Variants in OPCML observed in about 807,000 individuals in gnomAD.
The protein encoded by OPCML is opioid binding protein/cell adhesion molecule like, also known as opioid-binding protein/cell adhesion molecule.
A neutral mutation model predicts 37.8 loss-of-function variants in OPCML; 13 were observed. The observed-to-expected ratio is 0.34, with a 90% confidence interval of 0.22 to 0.55. The LOEUF is 0.55. Among genes scored for constraint, OPCML ranks in the 20% least tolerant of loss-of-function variants. The pLI is 0.91. For synonymous variants in OPCML, 176 were observed against 168.8 expected (o/e 1.04, Z -0.33); for missense variants, 341 against 435.6 (o/e 0.78, Z 1.93).
chr11:133,452,837 T>C (rs1445646134), intron 1 of OPCML, among the ~76,000 whole-genome samples: 1 of 151,632 alleles, frequency 6.6e-6, no homozygotes, highest in African/African-American at 2.4e-5. Context: ...GGAAATTTGC[T>C]TAGCATCCCA....
At chr11:132,585,549 C>T (rs573671382) in intron 3 of OPCML, among the ~76,000 whole-genome samples, 14 of 152,196 alleles carry the variant, frequency 9.2e-5, no homozygotes, top group South Asian at 4.1e-4. Context: ...ACAACAGCCC[C>T]GATAATTTTG....
intron 1 of OPCML, chr11:133,006,187 C>T: frequency 1.1e-6 from 1 of 902,254 alleles, no homozygotes; most frequent in Non-Finnish European, 1.3e-6. Flanking sequence ...AAGTTCGCGC[C>T]ATCTGTAGTA....
At chr11:132,945,084 T>C (rs1332672872) in intron 1 of OPCML, among the ~76,000 whole-genome samples, 1 of 152,196 alleles carries the variant, frequency 6.6e-6, no homozygotes, top group Non-Finnish European at 1.5e-5. Flanking sequence ...TATGTGTAGG[T>C]CTAAAATTTT....
intron 1 of OPCML, among the ~76,000 whole-genome samples, chr11:133,069,730 CTGGGTGGTATCACAAACACA>C (rs1948495278): frequency 6.6e-6 from 1 of 152,176 alleles, no homozygotes; most frequent in African/African-American, 2.4e-5. Flanking sequence ...TTCTGCAAGC[CTGGGTGGTATCACAAACACA>C]AAGGCAGAGG....
chr11:132,596,258 G>C (rs2096492250), intron 3 of OPCML, among the ~76,000 whole-genome samples: 1 of 152,140 alleles, frequency 6.6e-6, no homozygotes, highest in African/African-American at 2.4e-5. Flanking sequence ...CCTGGACAAA[G>C]TACCAATTGC....
intron 1 of OPCML, among the ~76,000 whole-genome samples, chr11:133,023,324 C>T (rs553678496): frequency 2.6e-5 from 4 of 152,318 alleles, no homozygotes; most frequent in Admixed American, 6.5e-5. Context: ...ACAACCGCTG[C>T]GTTTTGCCTG....
chr11:133,285,893 C>T (rs1942282322), intron 1 of OPCML, among the ~76,000 whole-genome samples: 1 of 152,136 alleles, frequency 6.6e-6, no homozygotes, highest in African/African-American at 2.4e-5. Flanking sequence ...TATGGTCCTG[C>T]CTGGTAGGAG....
chr11:133,220,706 C>T (rs1939779487), intron 1 of OPCML, among the ~76,000 whole-genome samples: 1 of 152,138 alleles, frequency 6.6e-6, no homozygotes, highest in African/African-American at 2.4e-5. Flanking sequence ...AAATGCTCCC[C>T]CAAAAGTCTC....
rs544874959 is a variant in OPCML at position 133,201,747 on chromosome 11, G to T, written c.62-258737C>A. Among the ~76,000 whole-genome samples the T allele has an allele frequency of 8.5e-5, 13 of 152,294 alleles. No individual in the cohort carries two copies. In the South Asian group the frequency reaches 2.7e-3, roughly 32 times the overall value. On this transcript the variant is annotated intron_variant, in intron 1 of 7. Coordinates refer to ENST00000524381, the MANE Select transcript of OPCML (RefSeq NM_001012393.5). ...ACTTGGAGGACTTTGTTCTCATGCT[G>T]TGTCTCCAGCTCAGAAAATGTCAAC...
chr11:132,594,713 C>G (rs1053574208), intron 3 of OPCML, among the ~76,000 whole-genome samples: 1 of 152,032 alleles, frequency 6.6e-6, no homozygotes, highest in Non-Finnish European at 1.5e-5. Context: ...GGTGAATATC[C>G]GATTATATCA....
chr11:132,517,155 C>A (rs1408373928), intron 4 of OPCML, among the ~76,000 whole-genome samples: 1 of 152,180 alleles, frequency 6.6e-6, no homozygotes, highest in East Asian at 1.9e-4. Context: ...TTAGATACTG[C>A]CCTCTACATG....
intron 2 of OPCML, among the ~76,000 whole-genome samples, chr11:132,700,367 G>T (rs1943759163): frequency 1.3e-5 from 2 of 151,720 alleles, no homozygotes; most frequent in Admixed American, 1.3e-4. Flanking sequence ...GTACCTATAG[G>T]CATAAAGCTA....
chr11:133,100,303 A>T (rs1313838551), intron 1 of OPCML, among the ~76,000 whole-genome samples: 1 of 152,200 alleles, frequency 6.6e-6, no homozygotes, highest in Admixed American at 6.5e-5. Context: ...CTGCACAAGT[A>T]CCCCTTGAAC....
chr11:133,006,502 A>G, intron 1 of OPCML: 2 of 985,414 alleles, frequency 2.0e-6, no homozygotes, highest in Non-Finnish European at 2.4e-6. Flanking sequence ...CTTAATCATC[A>G]TAACTTGTTT....
intron 1 of OPCML, among the ~76,000 whole-genome samples, chr11:133,072,650 C>A (rs765632246): frequency 2.0e-5 from 3 of 152,068 alleles, no homozygotes; most frequent in Admixed American, 2.0e-4. Flanking sequence ...AAGGAGAGTG[C>A]GCTACGTATT....
chr11:132,531,809 G>A (rs7117914), intron 3 of OPCML, among the ~76,000 whole-genome samples: 16,230 of 150,680 alleles, frequency 0.11, 2,054 homozygotes, highest in African/African-American at 0.31. Context: ...TCTGGGCTTA[G>A]AAATGTCAAT....
chr11:133,332,385 A>C (rs1008045060), intron 1 of OPCML, among the ~76,000 whole-genome samples: 1 of 152,148 alleles, frequency 6.6e-6, no homozygotes, highest in Admixed American at 6.5e-5. Context: ...AGATAGTTTG[A>C]GTTTCTCTCT....
At chr11:132,677,333 T>C (rs1277274493) in intron 2 of OPCML, among the ~76,000 whole-genome samples, 1 of 152,154 alleles carries the variant, frequency 6.6e-6, no homozygotes, top group Non-Finnish European at 1.5e-5. Context: ...GAACTTTAGC[T>C]CTAGATTCAA....
intron 1 of OPCML, among the ~76,000 whole-genome samples, chr11:133,201,736 G>T (rs1447641971): frequency 6.6e-6 from 1 of 152,220 alleles, no homozygotes; most frequent in Non-Finnish European, 1.5e-5. Flanking sequence ...GGAGGACTTT[G>T]TTCTCATGCT....
Sources: allele counts gnomAD v4.1 joint callset (sites outside exome capture counted in the v4.1 genomes callset), GRCh38; gene constraint gnomAD v4.1.1; transcripts MANE v1.5; gene names NCBI Gene and HGNC (gene_info 2026-07-23, HGNC 2026-07-21).